ANKRD6: variants seen among roughly 807,000 people sequenced by gnomAD.
ANKRD6 encodes ankyrin repeat domain-containing protein 6.
A neutral mutation model predicts 82.3 loss-of-function variants in ANKRD6; 56 were observed. The observed-to-expected ratio is 0.68, with a 90% CI of 0.55 to 0.85. ANKRD6 has a LOEUF of 0.85. Ranked by LOEUF, ANKRD6 falls within the 40% of genes least tolerant of loss-of-function variation. The pLI is 0.00. For synonymous variants in ANKRD6, 347 were observed against 352.1 expected (o/e 0.99, Z 0.16); for missense variants, 852 against 907.6 (o/e 0.94, Z 0.79).
intron 1 of ANKRD6, among the ~76,000 whole-genome samples, chr6:89,522,005 AT>A (rs1357941530): frequency 2.0e-5 from 3 of 152,230 alleles, no homozygotes; most frequent in African/African-American, 7.2e-5. Context: ...AATATAAATT[AT>A]TTGGCCTATG....
chr6:89,566,735 C>T, intron 1 of ANKRD6, 99 bp from the exon 2 acceptor site: 2 of 445,300 alleles, frequency 4.5e-6, no homozygotes, highest in South Asian at 5.3e-5. Context: ...TCCCCTGCAA[C>T]ATGCAAGCAG....
At chr6:89,507,673 A>G (rs142342045) in intron 1 of ANKRD6, among the ~76,000 whole-genome samples, 1 of 152,338 alleles carries the variant, frequency 6.6e-6, no homozygotes, top group Admixed American at 6.5e-5. Flanking sequence ...ATTCCTGAGA[A>G]GTGCCCTTGC....
At chr6:89,535,915 G>C (rs534082041) in intron 1 of ANKRD6, among the ~76,000 whole-genome samples, 2 of 152,286 alleles carry the variant, frequency 1.3e-5, no homozygotes, top group African/African-American at 4.8e-5. Flanking sequence ...AATCCCTTGG[G>C]TTGTCAGAGG....
chr6:89,459,051 T>C (rs1361087878), intron 1 of ANKRD6, among the ~76,000 whole-genome samples: 1 of 151,974 alleles, frequency 6.6e-6, no homozygotes, highest in Non-Finnish European at 1.5e-5. Context: ...AGAGTTCACC[T>C]TTTTTTTGTC....
At chr6:89,537,590 AAT>A (rs1478914029) in intron 1 of ANKRD6, among the ~76,000 whole-genome samples, 2 of 151,692 alleles carry the variant, frequency 1.3e-5, no homozygotes, top group African/African-American at 2.4e-5. Flanking sequence ...ATATAATTAT[AAT>A]ATGTTTTATA....
intron 2 of ANKRD6, among the ~76,000 whole-genome samples, chr6:89,578,041 C>T (rs963717433): frequency 3.9e-5 from 6 of 152,190 alleles, no homozygotes; most frequent in Admixed American, 3.9e-4. Context: ...AGAGCTTGTT[C>T]ATAGAGGGTG....
chr6:89,573,627 A>G (rs1790449093), intron 2 of ANKRD6, among the ~76,000 whole-genome samples: 1 of 152,212 alleles, frequency 6.6e-6, no homozygotes, highest in Non-Finnish European at 1.5e-5. Flanking sequence ...AAGAAAGGGA[A>G]TATGTACATA....
chr6:89,561,100 T>G (rs1372728745), intron 1 of ANKRD6: 1 of 152,192 alleles, frequency 6.6e-6, no homozygotes, highest in East Asian at 1.9e-4. Flanking sequence ...CTTTATTCGG[T>G]GATATGTGCT....
In ANKRD6 at chr6:89,596,030, C is replaced by T. The variant is rs758693293; in HGVS notation, c.219+16C>T. Reference sequence around the variant, plus strand: ...CCAGGATGATGTGAGTAGAAGCCATCATTCTATCAGGCTGAGTTGGCAGGG... The same window carrying T: ...CCAGGATGATGTGAGTAGAAGCCATTATTCTATCAGGCTGAGTTGGCAGGG... On this transcript the variant is annotated intron_variant, in intron 3 of 15. Coordinates refer to ENST00000339746, the MANE Select transcript of ANKRD6 (RefSeq NM_001242809.2). 9.3e-5 allele frequency: 148 copies of T among 1,595,188 alleles called. No individual in the cohort carries two copies. The highest frequency in any genetic ancestry group is 1.2e-4 in the Non-Finnish European group (142 of 1,169,764).
chr6:89,536,661 G>A lies in ANKRD6; in HGVS notation c.-143-30173G>A, dbSNP rs73490517. ...AATGTGTGTGTGTGTCTGCGCGTGC[G>A]CTGTCATAAGCACATTGAGATGTTG... On this transcript the variant is annotated intron_variant, in intron 1 of 15. Coordinates refer to ENST00000339746, the MANE Select transcript of ANKRD6 (RefSeq NM_001242809.2). Among the ~76,000 whole-genome samples the A allele has an allele frequency of 7.1e-3, 1,081 of 152,328 alleles. 6 individuals carry two copies. Among genetic ancestry groups the A allele is most frequent in the African/African-American group, 0.024 (1,000 of 41,572 alleles).
intron 1 of ANKRD6, among the ~76,000 whole-genome samples, chr6:89,527,629 AAAAG>A (rs1281899130): frequency 1.1e-4 from 17 of 151,138 alleles, no homozygotes; most frequent in Admixed American, 1.3e-4. Context: ...AAAAAAAAGA[AAAAG>A]AAAAGAAAAA....
chr6:89,576,579 T>C (rs1791154583), intron 2 of ANKRD6, among the ~76,000 whole-genome samples: 1 of 152,168 alleles, frequency 6.6e-6, no homozygotes, highest in Non-Finnish European at 1.5e-5. Flanking sequence ...TATTTTGAGC[T>C]TCAGCTGTGC....
At chr6:89,629,808 A>G (rs1806947192) in intron 15 of ANKRD6, among the ~76,000 whole-genome samples, 1 of 152,092 alleles carries the variant, frequency 6.6e-6, no homozygotes, top group African/African-American at 2.4e-5. Context: ...TCAGTGGGGG[A>G]TTTTGATATA....
In ANKRD6 at chr6:89,630,968, TGCCAAACTAAGGA is replaced by T; in HGVS notation, c.2149_2161del (p.Ala717LeufsTer15). On this transcript the variant is annotated frameshift_variant, in exon 16 of 16. Coordinates refer to ENST00000339746, the MANE Select transcript of ANKRD6 (RefSeq NM_001242809.2). LOFTEE classifies it high-confidence loss of function. The stretch of plus-strand genomic sequence containing the variant: ...ACATTAAAAGTTTAGAAGAGGAACT[TGCCAAACTAAGGA>T]CTAGGGTGCAGAAGGAAAATTAGCA... The T allele has an allele frequency of 3.8e-6, 6 of 1,582,152 alleles. No homozygotes were observed. Among genetic ancestry groups the T allele is most frequent in the Non-Finnish European group, 5.2e-6 (6 of 1,164,924 alleles).
intron 1 of ANKRD6, among the ~76,000 whole-genome samples, chr6:89,543,615 A>G (rs1003825636): frequency 3.9e-5 from 6 of 152,168 alleles, no homozygotes; most frequent in Non-Finnish European, 5.9e-5. Flanking sequence ...TCTTTTGTAG[A>G]GGGATCAGTG....
Position 89,586,370 on chromosome 6 carries a change from G to A in ANKRD6, c.121-9546G>A, listed in dbSNP as rs1215989477. ...TCATCATGTATTGGCCTACCGTGCT[G>A]TGCTCTGTCAGCGTCAACCCATTGA... On this transcript the variant is annotated intron_variant, in intron 2 of 15. Transcript: ENST00000339746. Among the ~76,000 whole-genome samples, 3 of 152,160 alleles carry A rather than the reference G, an allele frequency of 2.0e-5. No homozygotes were observed. In the East Asian group the frequency reaches 5.8e-4, roughly 29 times the overall value.
intron 1 of ANKRD6, among the ~76,000 whole-genome samples, chr6:89,437,063 T>G (rs1270603230): frequency 6.6e-6 from 1 of 152,194 alleles, no homozygotes; most frequent in Non-Finnish European, 1.5e-5. Context: ...AAATTATGTA[T>G]AAGTATTTAA....
intron 2 of ANKRD6, among the ~76,000 whole-genome samples, chr6:89,577,549 TA>T (rs1361084294): frequency 6.6e-6 from 1 of 152,184 alleles, no homozygotes; most frequent in Admixed American, 6.5e-5. Flanking sequence ...GCATTGGCCA[TA>T]ACATTAGAGT....
chr6:89,607,797 G>T (rs1799145761), intron 5 of ANKRD6, among the ~76,000 whole-genome samples: 1 of 151,636 alleles, frequency 6.6e-6, no homozygotes, highest in South Asian at 2.1e-4. Context: ...CTGGGCATGT[G>T]CCCCCACGCC....
Sources: allele counts gnomAD v4.1 joint callset (sites outside exome capture counted in the v4.1 genomes callset), GRCh38; gene constraint gnomAD v4.1.1; transcripts MANE v1.5; gene names NCBI Gene and HGNC (gene_info 2026-07-23, HGNC 2026-07-21).